Variants in BIN3 observed in about 807,000 individuals in gnomAD.
BIN3 encodes bridging integrator 3.
In BIN3, 41 loss-of-function variants were observed where a neutral mutation model predicts 38.2. That is an observed-to-expected ratio of 1.07 (90% CI 0.84 to 1.39). The LOEUF is 1.39. BIN3 is among the 40% of genes most tolerant of loss of function. The pLI is 0.00. For synonymous variants in BIN3, 145 were observed against 122.6 expected (o/e 1.18, Z -1.21); for missense variants, 361 against 324.3 (o/e 1.11, Z -0.87).
At chr8:22,657,673 G>T (rs2117589542) in intron 1 of BIN3, among the ~76,000 whole-genome samples, 1 of 152,370 alleles carries the variant, frequency 6.6e-6, no homozygotes, top group East Asian at 1.9e-4. Flanking sequence ...TCCCTGCGAT[G>T]AAATGGAGTA....
chr8:22,624,503 A>G lies in BIN3; in HGVS notation c.339-140T>C, dbSNP rs182146065. ...GTCCTGGCCAGCACTCACTTGTCCA[A>G]AAATGTGCCCTGAGCACCTACCAAG... On this transcript the variant is annotated intron_variant, in intron 6 of 8. Transcript: ENST00000276416. 6.8e-6 allele frequency: 8 copies of G among 1,169,976 alleles called. No homozygotes were observed. The African/African-American group carries it at 1.1e-4, about 16-fold the overall frequency. The allele number at this position is 1,169,976 out of a possible 1,614,324, so 72.5% of individuals were successfully genotyped here. A position where few individuals can be genotyped will look rare whatever the true frequency, so the allele number is the denominator to read the frequency against.
intron 1 of BIN3, among the ~76,000 whole-genome samples, chr8:22,646,382 C>T (rs917986670): frequency 6.6e-6 from 1 of 152,128 alleles, no homozygotes; most frequent in Admixed American, 6.5e-5. Flanking sequence ...TCCACCAGGC[C>T]CACATCCCAC....
At chr8:22,633,592 CTG>C (rs1802278049) in intron 4 of BIN3, among the ~76,000 whole-genome samples, 1 of 152,234 alleles carries the variant, frequency 6.6e-6, no homozygotes, top group Admixed American at 6.5e-5. Flanking sequence ...TTTAGAATAA[CTG>C]GGGATTTTCC....
At chr8:22,622,924 G>C (rs1801874145) in intron 8 of BIN3, among the ~76,000 whole-genome samples, 1 of 152,228 alleles carries the variant, frequency 6.6e-6, no homozygotes, top group Admixed American at 6.5e-5. Flanking sequence ...TCCCGCCCCG[G>C]CATGAACCCT....
chr8:22,631,220 T>C (rs542170070), intron 4 of BIN3, among the ~76,000 whole-genome samples: 12 of 152,220 alleles, frequency 7.9e-5, no homozygotes, highest in African/African-American at 2.9e-4. Flanking sequence ...TTCCTCAATA[T>C]CCAGTAGGAA....
intron 8 of BIN3, 138 bp downstream of exon 8, chr8:22,623,777 G>T (rs1440801598): frequency 8.7e-7 from 1 of 1,150,466 alleles, no homozygotes; most frequent in Non-Finnish European, 1.2e-6. Context: ...GTAATGGAAT[G>T]AATTCCTTCA....
intron 8 of BIN3, among the ~76,000 whole-genome samples, chr8:22,622,188 C>A (rs1801847183): frequency 6.6e-6 from 1 of 152,206 alleles, no homozygotes; most frequent in Admixed American, 6.5e-5. Context: ...AATGGGGAAG[C>A]CCGTCAATTC....
intron 2 of BIN3, 159 bp downstream of exon 2, chr8:22,644,596 G>C: frequency 1.5e-6 from 1 of 678,230 alleles, no homozygotes; most frequent in Non-Finnish European, 2.6e-6. Flanking sequence ...GCCCCTCTAA[G>C]CCTCAGTCTA....
rs146029871 is a variant in BIN3, at chr8:22,640,981, G to T, written c.57+3774C>A. The stretch of plus-strand genomic sequence containing the variant: ...CTGCTTCCAGCGGCCGGGGTGGGTT[G>T]CTTCTCTAGCTCACTGGTCCGAGAG... On this transcript the variant is annotated intron_variant, in intron 2 of 8. Transcript: ENST00000276416. Among the ~76,000 whole-genome samples, 467 of 152,284 alleles carry T rather than the reference G, an allele frequency of 3.1e-3. 5 individuals carry two copies. The highest frequency in any genetic ancestry group is 0.011 in the African/African-American group (448 of 41,548).
At chr8:22,664,843 T>C (rs1344989432) in intron 1 of BIN3, among the ~76,000 whole-genome samples, 1 of 152,224 alleles carries the variant, frequency 6.6e-6, no homozygotes, top group African/African-American at 2.4e-5. Context: ...ACTCTACACA[T>C]GTGAGACAGC....
At chr8:22,640,175 CCTTCTT>C (rs201808636) in intron 2 of BIN3, among the ~76,000 whole-genome samples, 1 of 151,690 alleles carries the variant, frequency 6.6e-6, no homozygotes, top group African/African-American at 2.4e-5. Context: ...CTGGACACAT[CCTTCTT>C]CTTCTTTTTT....
At chr8:22,644,395 G>A (rs1427128258) in intron 2 of BIN3, among the ~76,000 whole-genome samples, 1 of 152,258 alleles carries the variant, frequency 6.6e-6, no homozygotes, top group African/African-American at 2.4e-5. Context: ...TGCCTGGGCA[G>A]TGTCTTTGGT....
rs115533449 is a variant in BIN3 at position 22,665,626 on chromosome 8, A to G, written c.8+3418T>C. Among the ~76,000 whole-genome samples the G allele has an allele frequency of 9.0e-3, 1,366 of 152,066 alleles. 21 individuals are homozygous for G. Among genetic ancestry groups the G allele is most frequent in the African/African-American group, 0.03 (1,266 of 41,542 alleles). On this transcript the variant is annotated intron_variant, in intron 1 of 8. Coordinates refer to ENST00000276416, the MANE Select transcript of BIN3 (RefSeq NM_018688.6). ...GTGAAGGGGAAACATTTCAGGCAGA[A>G]GGGACAGTTATCCAGAGGCACATGG...
intron 2 of BIN3, among the ~76,000 whole-genome samples, chr8:22,638,593 A>ACAG (rs1802444524): frequency 6.6e-6 from 1 of 152,190 alleles, no homozygotes; most frequent in Non-Finnish European, 1.5e-5. Flanking sequence ...GGCCTTTTGG[A>ACAG]CAGCAGGAAT....
chr8:22,624,860 TGAG>T, intron 6 of BIN3: 1 of 194,180 alleles, frequency 5.1e-6, no homozygotes, highest in East Asian at 1.3e-4. Context: ...AAAGTCACGA[TGAG>T]GCAGAGAAGG....
chr8:22,621,340 T>G lies in BIN3; in HGVS notation c.*82A>C. ...CAGGGCCACCTCTGTCCCCAGCCTG[T>G]GAGAGGAGCAGCTAGCCCTGAGAAG... On this transcript the variant is annotated 3_prime_UTR_variant, in exon 9 of 9. Transcript: ENST00000276416. 1.3e-6 allele frequency: 2 copies of G among 1,501,356 alleles called. No individual in the cohort carries two copies. The highest frequency in any genetic ancestry group is 1.8e-4 in the Middle Eastern group (1 of 5,570). The allele number at this position is 1,501,356 out of a possible 1,614,324, so 93.0% of individuals were successfully genotyped here.
chr8:22,629,887 T>C (rs1802128938), intron 6 of BIN3, 77 bp downstream of exon 6: 3 of 1,375,778 alleles, frequency 2.2e-6, no homozygotes, highest in Non-Finnish European at 3.0e-6. Flanking sequence ...CAGCTAGAAA[T>C]CCTCTTCAGT....
chr8:22,621,640 C>G, intron 8 of BIN3, 72 bp from the exon 9 acceptor site: 4 of 1,455,530 alleles, frequency 2.7e-6, no homozygotes, highest in Non-Finnish European at 3.8e-6. Flanking sequence ...CAGAGGCTCA[C>G]ACTTCTCTGC....
intron 1 of BIN3, among the ~76,000 whole-genome samples, chr8:22,649,438 C>A (rs1209668204): frequency 1.8e-5 from 2 of 113,830 alleles, no homozygotes; most frequent in East Asian, 2.8e-4. Flanking sequence ...GTGCTCATTG[C>A]AGAACACTTG....
Sources: gnomAD v4.1 joint callset for allele counts (sites outside exome capture counted in the v4.1 genomes callset) on GRCh38, gnomAD v4.1.1 for gene constraint, MANE v1.5 for transcripts, NCBI Gene and HGNC (gene_info 2026-07-23, HGNC 2026-07-21) for gene names.